MAP3K21: variants seen among roughly 807,000 people sequenced by gnomAD.
MAP3K21 encodes mitogen-activated protein kinase kinase kinase 21.
MAP3K21 carries 63 observed loss-of-function variants against 86.1 expected under a neutral mutation model. That is an observed-to-expected ratio of 0.73 (90% confidence interval 0.60 to 0.90). The LOEUF (loss-of-function observed/expected upper bound fraction) is 0.90. Among genes scored for constraint, MAP3K21 ranks in the 40% least tolerant of loss-of-function variants. The pLI is 0.00. For missense variants in MAP3K21, 1,220 were observed against 1,367.7 expected (o/e 0.89, Z 1.70); for synonymous variants, 558 against 564.8 (o/e 0.99, Z 0.17).
intron 1 of MAP3K21, among the ~76,000 whole-genome samples, chr1:233,343,068 C>T (rs891902233): frequency 2.0e-5 from 3 of 152,246 alleles, no homozygotes; most frequent in Admixed American, 2.0e-4. Flanking sequence ...TCAAATAACC[C>T]TCCACATTTA....
chr1:233,376,405 G>T, intron 7 of MAP3K21, 25 bp from the exon 8 acceptor site: 1 of 1,532,074 alleles, frequency 6.5e-7, no homozygotes, highest in South Asian at 1.1e-5. Flanking sequence ...TCTATCTTAT[G>T]AAAAGAAACA....
chr1:233,356,710 C>T (rs6665061), intron 4 of MAP3K21, among the ~76,000 whole-genome samples: 104,480 of 152,100 alleles, frequency 0.69, 36,931 homozygotes, highest in East Asian at 0.99. Flanking sequence ...AACAGGGGAA[C>T]AGATGCCTAA....
chr1:233,371,814 T>C (rs1278347313), intron 5 of MAP3K21, among the ~76,000 whole-genome samples: 1 of 151,636 alleles, frequency 6.6e-6, no homozygotes, highest in Admixed American at 6.6e-5. Context: ...ACATATAAGC[T>C]CTGATTCATT....
chr1:233,362,843 A>G (rs1663489993), intron 5 of MAP3K21, among the ~76,000 whole-genome samples: 1 of 152,162 alleles, frequency 6.6e-6, no homozygotes, highest in South Asian at 2.1e-4. Context: ...GCTTTTTTAA[A>G]CATTGTGATA....
intron 9 of MAP3K21, among the ~76,000 whole-genome samples, chr1:233,380,033 G>A (rs1320180094): frequency 6.6e-6 from 1 of 152,206 alleles, no homozygotes; most frequent in Non-Finnish European, 1.5e-5. Context: ...ACGGATGAGT[G>A]GGAGGGCTGG....
Position 233,369,882 on chromosome 1 carries a change from A to T in MAP3K21, c.1553-2156A>T, listed in dbSNP as rs1413640860. 2.0e-5 allele frequency among the ~76,000 whole-genome samples: 3 copies of T among 152,218 alleles called. No individual in the cohort carries two copies. The East Asian group carries it at 5.8e-4, about 29-fold the overall frequency. ...AGGCTGTGACGAGTGAGAGGAGAAT[A>T]GGGCAAGATGAGGCTGGAGCAGAAA... On this transcript the variant is annotated intron_variant, in intron 5 of 9. Transcript: ENST00000366624.
intron 1 of MAP3K21, among the ~76,000 whole-genome samples, chr1:233,341,009 G>A (rs1663029526): frequency 6.6e-6 from 1 of 152,164 alleles, no homozygotes; most frequent in South Asian, 2.1e-4. Flanking sequence ...CAAAGGAGCT[G>A]AAAAAATTCT....
intron 1 of MAP3K21, 72 bp from the exon 2 acceptor site, chr1:233,346,370 A>C: frequency 1.7e-6 from 2 of 1,208,564 alleles, no homozygotes. Context: ...ATTGTGTTTT[A>C]CATGCCACAG....
chr1:233,338,896 G>A (rs536896102), intron 1 of MAP3K21, among the ~76,000 whole-genome samples: 2 of 152,310 alleles, frequency 1.3e-5, no homozygotes, highest in South Asian at 2.1e-4. Flanking sequence ...ATATGAATGT[G>A]AGAGTCATCA....
rs1436289100 is a variant in MAP3K21, at chr1:233,354,982, A to C, written c.1282A>C (p.Met428Leu). 6.2e-7 allele frequency: 1 copy of C among 1,613,902 alleles called. No homozygotes were observed. The highest frequency in any genetic ancestry group is 8.5e-7 in the Non-Finnish European group (1 of 1,179,880). ...TGACTGGAAACTAGAAATTCAACAA[A>C]TGTTTGATGAGTTGAGAACAAAGGA... ...QDDWKLEIQQ[M>L]FDELRTKEKE... The change falls in exon 4 of 10, where the codon ATG becomes CTG. Residue 428 changes from methionine to leucine, a missense_variant. Physicochemically the swap from Met to Leu is conservative, Grantham distance 15. Transcript: ENST00000366624.
At chr1:233,370,040 G>T (rs182998792) in intron 5 of MAP3K21, among the ~76,000 whole-genome samples, 4 of 152,288 alleles carry the variant, frequency 2.6e-5, no homozygotes, top group African/African-American at 9.6e-5. Context: ...TATTAAAAAT[G>T]CATCTGGCTG....
chr1:233,376,477 T>C lies in MAP3K21; in HGVS notation c.1874T>C (p.Ile625Thr). Residue 625 changes from isoleucine (I) to threonine (T), a missense_variant, in exon 8 of 10, where the codon ATA becomes ACA. Ile to Thr is a moderately conservative substitution (Grantham distance 89). Transcript: ENST00000366624. ...AACAGTCCTTGGTCAACTATCTTAA[T>C]AAAAAATCAGAAAACCATGCCCTTG... ...DGNSPWSTIL[I>T]KNQKTMPLAS... 1 of 1,613,756 alleles carries C rather than the reference T, an allele frequency of 6.2e-7. No individual in the cohort carries two copies. Among genetic ancestry groups the C allele is most frequent in the African/African-American group, 1.3e-5 (1 of 75,008 alleles).
chr1:233,355,522 G>A (rs570945261), intron 4 of MAP3K21, among the ~76,000 whole-genome samples: 1 of 152,318 alleles, frequency 6.6e-6, no homozygotes, highest in Admixed American at 6.5e-5. Context: ...ACTCAGAGAT[G>A]GATGTGGTGT....
intron 1 of MAP3K21, among the ~76,000 whole-genome samples, chr1:233,346,119 A>G (rs764608356): frequency 1.3e-4 from 20 of 152,216 alleles, no homozygotes; most frequent in Non-Finnish European, 2.4e-4. Context: ...GTATTTTTTC[A>G]TATCAGGTAA....
intron 1 of MAP3K21, among the ~76,000 whole-genome samples, chr1:233,339,104 A>G (rs991052726): frequency 1.3e-5 from 2 of 152,202 alleles, no homozygotes; most frequent in Non-Finnish European, 2.9e-5. Context: ...TGAAGAAAGT[A>G]TTTCAGGGAA....
In MAP3K21 at chr1:233,382,720, C is replaced by G. The variant is rs373150825; in HGVS notation, c.*9C>G. 4.9e-5 allele frequency: 78 copies of G among 1,604,720 alleles called. 1 individual carries two copies. The East Asian group carries it at 1.7e-3, about 34-fold the overall frequency. On this transcript the variant is annotated 3_prime_UTR_variant, in exon 10 of 10. Coordinates refer to ENST00000366624, the MANE Select transcript of MAP3K21 (RefSeq NM_032435.3). ...AAGAATTCCTGTCTTAAACTAAGTG[C>G]CTTACTGTTGTTTAAGCATTTTTTT...
At chr1:233,369,255 T>C (rs1323591394) in intron 5 of MAP3K21, among the ~76,000 whole-genome samples, 1 of 139,734 alleles carries the variant, frequency 7.2e-6, no homozygotes, top group Admixed American at 7.4e-5. Context: ...CCAGGTGTGG[T>C]GGTGTGCGCC....
At chr1:233,343,350 C>T (rs78144313) in intron 1 of MAP3K21, among the ~76,000 whole-genome samples, 2,120 of 152,294 alleles carry the variant, frequency 0.014, 54 homozygotes, top group African/African-American at 0.048. Context: ...CTGAGCACTT[C>T]ACATGTATTC....
chr1:233,343,564 GT>G, intron 1 of MAP3K21, among the ~76,000 whole-genome samples: 1 of 152,200 alleles, frequency 6.6e-6, no homozygotes, highest in Non-Finnish European at 1.5e-5. Flanking sequence ...GGGCACCTGA[GT>G]AGAGAGAGAT....
Sources: allele counts gnomAD v4.1 joint callset (sites outside exome capture counted in the v4.1 genomes callset), GRCh38; gene constraint gnomAD v4.1.1; transcripts MANE v1.5; gene names NCBI Gene and HGNC (gene_info 2026-07-23, HGNC 2026-07-21).